Variants in SORCS3 observed in about 807,000 individuals in gnomAD.
SORCS3 encodes VPS10 domain-containing receptor SorCS3.
Under a neutral mutation model 146.3 loss-of-function variants are expected in SORCS3, and 57 were observed. The ratio of observed to expected loss-of-function variants is 0.39; its 90% CI spans 0.31 to 0.49. The LOEUF (loss-of-function observed/expected upper bound fraction) is 0.49. Ranked by LOEUF, SORCS3 falls within the 20% of genes least tolerant of loss-of-function variation. SORCS3 has a pLI of 0.92. For missense variants in SORCS3, 1,341 were observed against 1,575.5 expected (o/e 0.85, Z 2.52); for synonymous variants, 653 against 618.5 (o/e 1.06, Z -0.83).
intron 1 of SORCS3, among the ~76,000 whole-genome samples, chr10:104,752,877 C>T (rs989496110): frequency 2.6e-5 from 4 of 152,040 alleles, no homozygotes; most frequent in Admixed American, 6.6e-5. Context: ...AGATTTTTAT[C>T]GTTGGTTATT....
At chr10:105,187,228 A>G (rs1046747588) in intron 14 of SORCS3, among the ~76,000 whole-genome samples, 1 of 151,640 alleles carries the variant, frequency 6.6e-6, no homozygotes, top group African/African-American at 2.4e-5. Context: ...TCTTCCCCCC[A>G]TATTTATTTT....
chr10:105,248,713 CAAA>C (rs35611802), intron 22 of SORCS3, among the ~76,000 whole-genome samples: 1 of 110,344 alleles, frequency 9.1e-6, no homozygotes. Context: ...GACTCCATCT[CAAA>C]AAAAAAAAAA....
intron 4 of SORCS3, among the ~76,000 whole-genome samples, chr10:105,034,151 T>A (rs1383945623): frequency 1.3e-5 from 2 of 152,082 alleles, no homozygotes; most frequent in Non-Finnish European, 1.5e-5. Context: ...CGGAGAGCCG[T>A]GAGAGCAGAT....
intron 5 of SORCS3, among the ~76,000 whole-genome samples, chr10:105,065,970 A>T (rs1044227281): frequency 8.5e-5 from 13 of 152,200 alleles, no homozygotes; most frequent in African/African-American, 2.7e-4. Flanking sequence ...AGTAGCTCCC[A>T]TGAAGCAGAA....
chr10:104,883,491 A>C (rs900330936), intron 2 of SORCS3, among the ~76,000 whole-genome samples: 1 of 152,146 alleles, frequency 6.6e-6, no homozygotes, highest in Admixed American at 6.6e-5. Context: ...GAAAACTCTG[A>C]AATATGTACT....
chr10:104,802,637 T>C (rs1318102276), intron 1 of SORCS3, among the ~76,000 whole-genome samples: 1 of 152,196 alleles, frequency 6.6e-6, no homozygotes, highest in Admixed American at 6.5e-5. Context: ...TTAAGACCTA[T>C]TGAGCATCTA....
intron 3 of SORCS3, among the ~76,000 whole-genome samples, chr10:104,943,322 G>A (rs1345972847): frequency 6.6e-6 from 1 of 152,050 alleles, no homozygotes; most frequent in Non-Finnish European, 1.5e-5. Context: ...TAGAGACGGG[G>A]TTCCACCATG....
rs143947000 is a variant in SORCS3, at chr10:105,174,398, T to C, written c.1902-3668T>C. Among the ~76,000 whole-genome samples, 270 of 152,170 alleles carry C rather than the reference T, an allele frequency of 1.8e-3. 10 individuals are homozygous for C. The South Asian group carries it at 0.048, about 27-fold the overall frequency. ...ATTCAATATAGAATTCAATATACAA[T>C]ATATCACCTCAGGATATTTGAAAAC... On this transcript the variant is annotated intron_variant, in intron 13 of 26. Coordinates refer to ENST00000369701, the MANE Select transcript of SORCS3 (RefSeq NM_014978.3).
At chr10:105,088,094 A>G (rs2055675505) in intron 5 of SORCS3, among the ~76,000 whole-genome samples, 1 of 152,218 alleles carries the variant, frequency 6.6e-6, no homozygotes, top group Non-Finnish European at 1.5e-5. Flanking sequence ...ATGAGAGTTC[A>G]CTAGGGAAGG....
At chr10:105,176,442 A>G (rs1048148345) in intron 13 of SORCS3, among the ~76,000 whole-genome samples, 2 of 152,190 alleles carry the variant, frequency 1.3e-5, no homozygotes, top group South Asian at 2.1e-4. Flanking sequence ...AGTTCTAGCT[A>G]TTTGGGAGGC....
At chr10:104,774,717 T>C (rs2017289683) in intron 1 of SORCS3, among the ~76,000 whole-genome samples, 1 of 152,138 alleles carries the variant, frequency 6.6e-6, no homozygotes, top group African/African-American at 2.4e-5. Flanking sequence ...AAAGGGGTCA[T>C]GGAGTGATCA....
chr10:105,118,292 T>C (rs1176242306), intron 7 of SORCS3, among the ~76,000 whole-genome samples: 1 of 152,208 alleles, frequency 6.6e-6, no homozygotes, highest in African/African-American at 2.4e-5. Flanking sequence ...CTGCCCCCGC[T>C]GTGAAGAAGG....
chr10:105,169,308 CAAGAT>C (rs1046919785), intron 13 of SORCS3, among the ~76,000 whole-genome samples: 22 of 152,196 alleles, frequency 1.4e-4, no homozygotes, highest in Non-Finnish European at 3.1e-4. Flanking sequence ...AGACTATACT[CAAGAT>C]AAGGTGTTTA....
At chr10:105,113,587 C>T (rs2055873248) in intron 7 of SORCS3, among the ~76,000 whole-genome samples, 1 of 152,104 alleles carries the variant, frequency 6.6e-6, no homozygotes, top group Admixed American at 6.5e-5. Flanking sequence ...ATAAACCACC[C>T]ACACAGCTCC....
intron 22 of SORCS3, among the ~76,000 whole-genome samples, chr10:105,248,049 A>T (rs2056877713): frequency 6.6e-6 from 1 of 152,258 alleles, no homozygotes; most frequent in African/African-American, 2.4e-5. Flanking sequence ...GCTACAGGCC[A>T]GGAAACAGAG....
intron 3 of SORCS3, among the ~76,000 whole-genome samples, chr10:104,974,240 T>G (rs1470332155): frequency 6.6e-6 from 1 of 152,188 alleles, no homozygotes; most frequent in South Asian, 2.1e-4. Flanking sequence ...GTTCAATTCC[T>G]GGGTATACTT....
intron 5 of SORCS3, among the ~76,000 whole-genome samples, chr10:105,082,971 G>T (rs2055635504): frequency 6.6e-6 from 1 of 152,032 alleles, no homozygotes. Context: ...CTCGTGATCT[G>T]CCCGCCTTGG....
At chr10:104,950,247 T>A (rs1589562844) in intron 3 of SORCS3, among the ~76,000 whole-genome samples, 1 of 152,088 alleles carries the variant, frequency 6.6e-6, no homozygotes, top group African/African-American at 2.4e-5. Flanking sequence ...CCACAACCAA[T>A]GAGATACTGC....
chr10:104,701,034 G>A (rs1344991530), intron 1 of SORCS3, among the ~76,000 whole-genome samples: 3 of 152,180 alleles, frequency 2.0e-5, no homozygotes, highest in Non-Finnish European at 2.9e-5. Flanking sequence ...AATTTAATTC[G>A]TGGAAAGTTT....
Sources: gnomAD v4.1 joint callset for allele counts (sites outside exome capture counted in the v4.1 genomes callset) on GRCh38, gnomAD v4.1.1 for gene constraint, MANE v1.5 for transcripts, NCBI Gene and HGNC (gene_info 2026-07-23, HGNC 2026-07-21) for gene names.